The following INTS6L variants were observed in gnomAD, a reference collection of about 807,000 sequenced individuals.
INTS6L encodes the protein integrator complex subunit 6-like.
A neutral mutation model predicts 64.7 loss-of-function variants in INTS6L; 18 were observed. The ratio of observed to expected loss-of-function variants is 0.28; its 90% confidence interval spans 0.19 to 0.41. The LOEUF is 0.41. Among genes scored for constraint, INTS6L ranks in the 10% least tolerant of loss-of-function variants. INTS6L has a pLI of 1.00. For synonymous variants in INTS6L, 227 were observed against 235.9 expected (o/e 0.96, Z 0.34); for missense variants, 533 against 661.0 (o/e 0.81, Z 2.12).
intron 11 of INTS6L, 192 bp downstream of exon 11, chrX:135,570,738 T>C (rs1212643087): frequency 1.5e-5 from 7 of 454,292 alleles, no homozygotes; most frequent in East Asian, 8.8e-5. Flanking sequence ...TCAGTATCAT[T>C]TGATGCTGTG....
chrX:135,573,100 C>A (rs782072064), intron 12 of INTS6L, 67 bp downstream of exon 12: 1 of 960,576 alleles, frequency 1.0e-6, no homozygotes, highest in Non-Finnish European at 1.4e-6. Context: ...CTTTCATATT[C>A]CTTTAGTTTT....
intron 9 of INTS6L, among the ~76,000 whole-genome samples, chrX:135,562,554 T>A: frequency 8.9e-6 from 1 of 112,064 alleles, no homozygotes. Context: ...CTTGTTGATT[T>A]TCTGTCTATT....
intron 2 of INTS6L, among the ~76,000 whole-genome samples, chrX:135,535,926 A>T (rs926682747): frequency 1.8e-5 from 2 of 112,361 alleles, no homozygotes; most frequent in Non-Finnish European, 3.8e-5. Flanking sequence ...AATAAAAGAT[A>T]AAAAGTCTTG....
chrX:135,548,430 G>A lies in INTS6L; in HGVS notation c.742+1165G>A, dbSNP rs781956664. Among the ~76,000 whole-genome samples the A allele has an allele frequency of 9.0e-5, 10 of 111,709 alleles. No individual in the cohort carries two copies. In the South Asian group the frequency reaches 3.7e-3, roughly 42 times the overall value. On this transcript the variant is annotated intron_variant, in intron 6 of 17. Transcript: ENST00000639893. ...CCCCACAGCCTATTTTAAATTAACTGTGTAGGAAGGCCATGTTATACTGCT... is the reference window on the plus strand; with the variant it reads ...CCCCACAGCCTATTTTAAATTAACTATGTAGGAAGGCCATGTTATACTGCT...
At position 135,549,690 on chromosome X, in the gene INTS6L, C is replaced by T. The variant is rs781854294; in HGVS notation, c.791C>T (p.Pro264Leu). The change falls in exon 7 of 18, where the codon CCA becomes CTA. Residue 264 changes from proline to leucine, a missense_variant. By Grantham distance (98) the Pro-to-Leu change is moderately conservative. Coordinates refer to ENST00000639893, the MANE Select transcript of INTS6L (RefSeq NM_001351601.3). ...SRPSNSFAAQ[P>L]WHSCHKLIYV... The stretch of plus-strand genomic sequence containing the variant: ...CCAAGCAATTCATTTGCTGCTCAGC[C>T]ATGGCATAGTTGTCATAAACTCATT... The T allele has an allele frequency of 8.3e-7, 1 of 1,211,798 alleles. No individual in the cohort carries two copies. The highest frequency in any genetic ancestry group is 1.1e-6 in the Non-Finnish European group (1 of 895,330).
intron 13 of INTS6L, 139 bp downstream of exon 13, chrX:135,574,201 T>C: frequency 3.9e-6 from 3 of 776,777 alleles, no homozygotes; most frequent in Non-Finnish European, 5.3e-6. Flanking sequence ...TGAATCCCTA[T>C]GTCTGTTTAC....
chrX:135,549,550 G>T, intron 6 of INTS6L, 92 bp from the exon 7 acceptor site: 11 of 938,054 alleles, frequency 1.2e-5, no homozygotes, highest in Non-Finnish European at 1.0e-5. Flanking sequence ...GTTTTATTTT[G>T]GACTTTGCTT....
At chrX:135,538,174 C>T (rs1402880930) in intron 2 of INTS6L, among the ~76,000 whole-genome samples, 2 of 112,308 alleles carry the variant, frequency 1.8e-5, no homozygotes, top group Non-Finnish European at 3.8e-5. Context: ...TAACATTTTA[C>T]CCACAGTAGA....
intron 10 of INTS6L, 102 bp downstream of exon 10, chrX:135,569,533 A>G: frequency 2.2e-6 from 1 of 460,740 alleles, no homozygotes; most frequent in Non-Finnish European, 3.4e-6. Context: ...TAAGAGAGAT[A>G]TCTTTTTATT....
intron 10 of INTS6L, 155 bp from the exon 11 acceptor site, chrX:135,570,280 AT>A: frequency 2.3e-6 from 1 of 428,755 alleles, no homozygotes; most frequent in Non-Finnish European, 3.7e-6. Context: ...CTTCTCTGCT[AT>A]TTTCATTGCC....
chrX:135,562,196 T>C (rs58096384), intron 9 of INTS6L, among the ~76,000 whole-genome samples: 9,426 of 111,434 alleles, frequency 0.085, 657 homozygotes, highest in African/African-American at 0.22. Flanking sequence ...ATTTTACATG[T>C]TGTCCTTCAT....
chrX:135,534,352 C>A (rs782751342), intron 2 of INTS6L, among the ~76,000 whole-genome samples: 2 of 110,676 alleles, frequency 1.8e-5, no homozygotes, highest in African/African-American at 6.6e-5. Context: ...TAACTGTCTG[C>A]TGAAGATCAG....
At chrX:135,527,982 T>C (rs12395543) in intron 2 of INTS6L, among the ~76,000 whole-genome samples, 12,150 of 110,836 alleles carry the variant, frequency 0.11, 1,157 homozygotes, top group African/African-American at 0.31. Flanking sequence ...AAAAATATGA[T>C]AGTGGTTCCA....
At chrX:135,521,130 G>A (rs1556496358) in intron 1 of INTS6L, 27 bp downstream of exon 1, 12 of 1,193,421 alleles carry the variant, frequency 1.0e-5, no homozygotes, top group Non-Finnish European at 1.4e-5. Flanking sequence ...GGAGAGATGG[G>A]GAGAGCTCCC....
In INTS6L at chrX:135,546,384, G is replaced by A; in HGVS notation, c.344G>A (p.Arg115Lys). 1 of 1,136,970 alleles carries A rather than the reference G, an allele frequency of 8.8e-7. No homozygotes were observed. Among genetic ancestry groups the A allele is most frequent in the Non-Finnish European group, 1.2e-6 (1 of 856,627 alleles). 93.7% of individuals were successfully genotyped at this position (1,136,970 alleles called of 1,213,427 possible). The change falls in exon 4 of 18, where the codon AGA (arginine) becomes AAA (lysine). Residue 115 changes from arginine (R) to lysine (K), a missense_variant. Transcript: ENST00000639893. ...ISGIDNYGQG[R>K]NPFFLEPSIL... ...TGCTTTTTAAATGTATTTTAGGGGAGAAATCCATTTTTTTTAGAACCATCT... is the reference window on the plus strand; with the variant it reads ...TGCTTTTTAAATGTATTTTAGGGGAAAAATCCATTTTTTTTAGAACCATCT...
At chrX:135,570,733 A>G (rs2087070227) in intron 11 of INTS6L, 187 bp downstream of exon 11, 1 of 473,243 alleles carries the variant, frequency 2.1e-6, no homozygotes, top group Non-Finnish European at 3.2e-6. Flanking sequence ...GTCTGTCAGT[A>G]TCATTTGATG....
chrX:135,543,789 T>C (rs1184637087), intron 2 of INTS6L, among the ~76,000 whole-genome samples: 3 of 112,398 alleles, frequency 2.7e-5, no homozygotes, highest in Non-Finnish European at 5.6e-5. Flanking sequence ...AAAGATACTT[T>C]AAATCATAAT....
intron 8 of INTS6L, among the ~76,000 whole-genome samples, chrX:135,554,408 TATC>T (rs1330486660): frequency 8.9e-6 from 1 of 112,078 alleles, no homozygotes; most frequent in African/African-American, 3.2e-5. Flanking sequence ...CTGTTTCTAT[TATC>T]ATTCAAATTA....
At chrX:135,576,280 A>G (rs782607427) in intron 14 of INTS6L, among the ~76,000 whole-genome samples, 3 of 103,689 alleles carry the variant, frequency 2.9e-5, no homozygotes, top group South Asian at 9.2e-4. Context: ...GTGAACCAAG[A>G]TCGTACCACT....
Sources: gnomAD v4.1 joint callset for allele counts (sites outside exome capture counted in the v4.1 genomes callset) on GRCh38, gnomAD v4.1.1 for gene constraint, MANE v1.5 for transcripts, NCBI Gene and HGNC (gene_info 2026-07-23, HGNC 2026-07-21) for gene names.